The following RBFOX1 variants were observed in gnomAD, a reference collection of about 807,000 sequenced individuals.
The protein encoded by RBFOX1 is RNA binding fox-1 homolog 1, also known as RNA binding protein fox-1 homolog 1.
In RBFOX1, 8 loss-of-function variants were observed where a neutral mutation model predicts 57.7. The observed-to-expected ratio is 0.14, with a 90% CI of 0.08 to 0.25. The LOEUF is 0.25. Among genes scored for constraint, RBFOX1 ranks in the 10% least tolerant of loss-of-function variants. The probability of loss-of-function intolerance (pLI) is 1.00; values close to 1 mark genes in which losing one functional copy is unlikely to be tolerated. For missense variants in RBFOX1, 611 were observed against 548.5 expected (o/e 1.11, Z -1.14); for synonymous variants, 326 against 222.4 (o/e 1.47, Z -4.15).
At chr16:7,063,255 G>C (rs1304072857) in intron 4 of RBFOX1, among the ~76,000 whole-genome samples, 3 of 152,054 alleles carry the variant, frequency 2.0e-5, no homozygotes, top group African/African-American at 7.2e-5. Flanking sequence ...GTGCTTCAGG[G>C]TCTTTGGAAC....
intron 2 of RBFOX1, among the ~76,000 whole-genome samples, chr16:6,542,012 T>A (rs1041307785): frequency 6.6e-6 from 1 of 151,912 alleles, no homozygotes; most frequent in Admixed American, 6.6e-5. Flanking sequence ...AGTAGAATGA[T>A]CATAGCTCAC....
intron 2 of RBFOX1, among the ~76,000 whole-genome samples, chr16:6,574,857 T>A (rs2097403966): frequency 6.7e-6 from 1 of 148,852 alleles, no homozygotes; most frequent in African/African-American, 2.5e-5. Flanking sequence ...GATAACACGG[T>A]GAAACCCCGT....
At chr16:5,525,361 G>A (rs1445730278) in intron 2 of RBFOX1, among the ~76,000 whole-genome samples, 3 of 151,968 alleles carry the variant, frequency 2.0e-5, no homozygotes, top group African/African-American at 7.3e-5. Flanking sequence ...CTGTGAGCTG[G>A]GTTGTTTTAT....
intron 4 of RBFOX1, among the ~76,000 whole-genome samples, chr16:7,069,971 C>T (rs1366589859): frequency 2.0e-5 from 3 of 152,184 alleles, no homozygotes; most frequent in Non-Finnish European, 4.4e-5. Flanking sequence ...CTAATAATTC[C>T]ATCAAGTAAG....
intron 2 of RBFOX1, among the ~76,000 whole-genome samples, chr16:6,478,871 C>T (rs2095326589): frequency 6.6e-6 from 1 of 152,046 alleles, no homozygotes; most frequent in African/African-American, 2.4e-5. Flanking sequence ...TTGCTCATCA[C>T]AGATCACAGT....
chr16:6,658,921 TTTTTTGGTTTTTTTG>T (rs1362049976), intron 3 of RBFOX1, among the ~76,000 whole-genome samples: 1,188 of 87,484 alleles, frequency 0.014, 14 homozygotes, highest in African/African-American at 0.044. Context: ...TGTTTTTTTG[TTTTTTGGTTTTTTTG>T]TTTTTTTTGT....
At chr16:6,903,487 C>T (rs116879445) in intron 3 of RBFOX1, among the ~76,000 whole-genome samples, 1 of 152,186 alleles carries the variant, frequency 6.6e-6, no homozygotes, top group Non-Finnish European at 1.5e-5. Context: ...TAGTGTTCAG[C>T]AAGTGCTGGT....
At chr16:6,593,452 G>A (rs540552998) in intron 2 of RBFOX1, among the ~76,000 whole-genome samples, 11 of 152,084 alleles carry the variant, frequency 7.2e-5, no homozygotes, top group South Asian at 2.1e-4. Flanking sequence ...TTTGGTGATC[G>A]CCTCTTTTTG....
intron 4 of RBFOX1, among the ~76,000 whole-genome samples, chr16:7,240,356 A>T (rs1157287815): frequency 6.6e-6 from 1 of 152,188 alleles, no homozygotes; most frequent in Non-Finnish European, 1.5e-5. Flanking sequence ...TATATTAATG[A>T]TCTTCACTAT....
intron 3 of RBFOX1, among the ~76,000 whole-genome samples, chr16:7,010,459 C>A (rs887359853): frequency 6.6e-6 from 1 of 152,040 alleles, no homozygotes; most frequent in African/African-American, 2.4e-5. Flanking sequence ...CCGTGAGCAT[C>A]CGAGGGGCTA....
rs574035981 is a variant in RBFOX1 at position 6,523,716 on chromosome 16, T to C, written c.-63-130887T>C. ...TGTTAAAGAACTTCAAAATTATACA[T>C]TCATCAGAACAGCCACATAGCCCCA... On this transcript the variant is annotated intron_variant, in intron 2 of 15. Coordinates refer to ENST00000550418, the MANE Select transcript of RBFOX1 (RefSeq NM_018723.4). Among the ~76,000 whole-genome samples, 3 of 152,312 alleles carry C rather than the reference T, an allele frequency of 2.0e-5. No homozygotes were observed. The East Asian group carries it at 5.8e-4, about 29-fold the overall frequency.
chr16:7,147,262 C>T (rs553296211), intron 4 of RBFOX1, among the ~76,000 whole-genome samples: 1 of 151,710 alleles, frequency 6.6e-6, no homozygotes, highest in Admixed American at 6.6e-5. Context: ...ACCTCAGCCT[C>T]CCAAAGTGCT....
intron 4 of RBFOX1, among the ~76,000 whole-genome samples, chr16:5,982,213 G>A (rs1013294679): frequency 5.9e-5 from 9 of 152,066 alleles, no homozygotes; most frequent in Admixed American, 2.0e-4. Context: ...CTACATTGCC[G>A]CCAAGTTGTT....
chr16:6,972,792 G>C (rs965268280), intron 3 of RBFOX1, among the ~76,000 whole-genome samples: 4 of 152,060 alleles, frequency 2.6e-5, no homozygotes, highest in African/African-American at 7.2e-5. Context: ...GAGTGGGTAA[G>C]AAAATTTCTG....
chr16:5,451,919 C>T (rs2068437425), intron 1 of RBFOX1, among the ~76,000 whole-genome samples: 1 of 152,136 alleles, frequency 6.6e-6, no homozygotes, highest in Non-Finnish European at 1.5e-5. Context: ...TGGGCTTCTC[C>T]CTGAGCTCCA....
At chr16:6,717,497 G>T (rs28607494) in intron 3 of RBFOX1, among the ~76,000 whole-genome samples, 5,418 of 152,072 alleles carry the variant, frequency 0.036, 328 homozygotes, top group African/African-American at 0.12. Context: ...AAACTTGGAG[G>T]TTTAGAAGCA....
intron 1 of RBFOX1, among the ~76,000 whole-genome samples, chr16:5,444,566 G>C (rs948618399): frequency 6.6e-6 from 1 of 152,172 alleles, no homozygotes; most frequent in Non-Finnish European, 1.5e-5. Flanking sequence ...CCGGGGAGGA[G>C]AATGGTACCT....
At chr16:6,907,606 G>A (rs1017764305) in intron 3 of RBFOX1, among the ~76,000 whole-genome samples, 4 of 151,958 alleles carry the variant, frequency 2.6e-5, no homozygotes, top group Admixed American at 6.6e-5. Context: ...GTCTCACTCT[G>A]GTTGCCCAGG....
At chr16:6,585,738 C>G (rs577946955) in intron 2 of RBFOX1, among the ~76,000 whole-genome samples, 1 of 152,204 alleles carries the variant, frequency 6.6e-6, no homozygotes, top group East Asian at 1.9e-4. Flanking sequence ...GGGGCAAAAA[C>G]AGGTGTACCT....
Sources: gnomAD v4.1 joint callset for allele counts (sites outside exome capture counted in the v4.1 genomes callset) on GRCh38, gnomAD v4.1.1 for gene constraint, MANE v1.5 for transcripts, NCBI Gene and HGNC (gene_info 2026-07-23, HGNC 2026-07-21) for gene names.